The following USP16 variants were observed in gnomAD, a reference collection of about 807,000 sequenced individuals.
USP16 encodes ubiquitin specific peptidase 16, also known as ubiquitin carboxyl-terminal hydrolase 16.
In USP16, 77 loss-of-function variants were observed where a neutral mutation model predicts 95.9. The observed-to-expected ratio is 0.80, with a 90% confidence interval of 0.67 to 0.97. The LOEUF is 0.97. Among genes scored for constraint, USP16 ranks in the 50% least tolerant of loss-of-function variants. USP16 has a pLI of 0.00. For synonymous variants in USP16, 303 were observed against 318.2 expected, an observed-to-expected ratio of 0.95 and a Z score of 0.51; for missense variants, 943 against 959.9, an observed-to-expected ratio of 0.98 and a Z score of 0.23.
chr21:29,028,122 A>ATTT, intron 2 of USP16, 148 bp downstream of exon 2: 1 of 564,758 alleles, frequency 1.8e-6, no homozygotes, highest in South Asian at 2.4e-5. Flanking sequence ...ATAGTCTTCT[A>ATTT]CTTTTTTTTT....
chr21:29,030,981 T>C (rs980963053), intron 3 of USP16, among the ~76,000 whole-genome samples: 7 of 152,104 alleles, frequency 4.6e-5, no homozygotes, highest in Admixed American at 2.6e-4. Flanking sequence ...AGATTAAGCA[T>C]AGGGAGAAGT....
intron 2 of USP16, among the ~76,000 whole-genome samples, chr21:29,029,598 A>T (rs564777911): frequency 6.6e-6 from 1 of 152,304 alleles, no homozygotes; most frequent in Admixed American, 6.5e-5. Flanking sequence ...TTCCTGGAAC[A>T]ACTCAGCACT....
At position 29,047,291 on chromosome 21, in the gene USP16, C is replaced by CA. The variant is rs1245450211; in HGVS notation, c.1982dup (p.Cys662ValfsTer2). On this transcript the variant is annotated frameshift_variant, in exon 14 of 18. Coordinates refer to ENST00000399976, the MANE Select transcript of USP16 (RefSeq NM_006447.3). LOFTEE classifies it high-confidence loss of function. ...GCTTTGTGAAGTATGCACACGGAGA[C>CA]AGTGTAATGGACCAAAGGCAAATAT... The CA allele has an allele frequency of 1.2e-6, 2 of 1,612,976 alleles. No homozygotes were observed. Among genetic ancestry groups the CA allele is most frequent in the African/African-American group, 2.7e-5 (2 of 75,008 alleles).
chr21:29,025,025 G>C (rs147992331), intron 1 of USP16: 6 of 315,116 alleles, frequency 1.9e-5, no homozygotes, highest in South Asian at 8.7e-5. Flanking sequence ...CCGTGGGATC[G>C]GAGCAGTTAG....
At chr21:29,028,452 C>T (rs924824169) in intron 2 of USP16, among the ~76,000 whole-genome samples, 59 of 139,212 alleles carry the variant, frequency 4.2e-4, no homozygotes, top group Non-Finnish European at 8.0e-4. Context: ...GTTTTTTTTC[C>T]TGAGACGGAG....
chr21:29,054,033 A>G, intron 17 of USP16, 33 bp from the exon 18 acceptor site: 1 of 1,613,780 alleles, frequency 6.2e-7, no homozygotes, highest in Non-Finnish European at 8.5e-7. Flanking sequence ...GAATCTTTCC[A>G]TTTATGTTTG....
At chr21:29,024,958 G>A in intron 1 of USP16, 181 bp downstream of exon 1, 3 of 593,282 alleles carry the variant, frequency 5.1e-6, no homozygotes, top group Admixed American at 4.7e-5. Context: ...TCCAGAAGCT[G>A]GCCAATGAGA....
chr21:29,046,990 C>G lies in USP16; in HGVS notation c.1680C>G (p.Ala560=), dbSNP rs1459916991. 1 of 1,614,016 alleles carries G rather than the reference C, an allele frequency of 6.2e-7. No homozygotes were observed. Among genetic ancestry groups the G allele is most frequent in the African/African-American group, 1.3e-5 (1 of 75,002 alleles). Residue 560 remains alanine (A), a synonymous_variant, in exon 14 of 18, where the codon GCC becomes GCG. Coordinates refer to ENST00000399976, the MANE Select transcript of USP16 (RefSeq NM_006447.3). The part of the protein sequence containing the change: ...TSSPTRNLNG[A]YLTEGSNGEV... ...CTCCCACTAGGAATTTAAATGGTGC[C>G]TACCTAACGGAAGGGAGCAATGGAG...
At chr21:29,051,273 G>T (rs2085409376) in intron 16 of USP16, among the ~76,000 whole-genome samples, 1 of 152,214 alleles carries the variant, frequency 6.6e-6, no homozygotes, top group Admixed American at 6.5e-5. Flanking sequence ...ATACCTTTGA[G>T]AAATTAATGT....
chr21:29,031,780 T>C (rs922610435), intron 3 of USP16, among the ~76,000 whole-genome samples: 3 of 152,212 alleles, frequency 2.0e-5, no homozygotes, highest in Non-Finnish European at 2.9e-5. Context: ...GAAAATCTTA[T>C]TGAGGTTATT....
intron 2 of USP16, among the ~76,000 whole-genome samples, chr21:29,028,315 C>T (rs1180435160): frequency 6.7e-6 from 1 of 148,974 alleles, no homozygotes; most frequent in Non-Finnish European, 1.5e-5. Flanking sequence ...TTAATAGTGA[C>T]GGGGTTTCCC....
chr21:29,025,141 G>C (rs1338902288), intron 1 of USP16, among the ~76,000 whole-genome samples: 8 of 152,176 alleles, frequency 5.3e-5, no homozygotes, highest in Non-Finnish European at 1.5e-5. Context: ...GTGTTCATAC[G>C]GCTGGTAGGA....
intron 13 of USP16, among the ~76,000 whole-genome samples, chr21:29,045,625 G>C (rs898824702): frequency 3.3e-5 from 5 of 150,648 alleles, no homozygotes; most frequent in Non-Finnish European, 5.9e-5. Flanking sequence ...ATTTCTTTCT[G>C]TTAGTGTGGA....
Position 29,027,912 on chromosome 21 carries a change from A to G in USP16, c.-2A>G. On this transcript the variant is annotated 5_prime_UTR_variant, in exon 2 of 18. Coordinates refer to ENST00000399976, the MANE Select transcript of USP16 (RefSeq NM_006447.3). ...TCAGTAAGTAATCCATAAAGTGCCA[A>G]CATGGGAAAGAAACGGACAAAGGGA... The G allele has an allele frequency of 5.0e-6, 8 of 1,613,702 alleles. No homozygotes were observed. The highest frequency in any genetic ancestry group is 6.8e-6 in the Non-Finnish European group (8 of 1,179,774).
At position 29,054,076 on chromosome 21, in the gene USP16, G is replaced by C. The variant is rs2085458062; in HGVS notation, c.2361G>C (p.Met787Ile). 1.9e-6 allele frequency: 3 copies of C among 1,614,028 alleles called. No individual in the cohort carries two copies. Among genetic ancestry groups the C allele is most frequent in the African/African-American group, 2.7e-5 (2 of 74,922 alleles). ...LHGDIPQDFE[M>I]ESKGQWFHIS... ...ATTTTCTCATGACAGATTTTGAAAT[G>C]GAATCAAAAGGGCAGTGGTTTCACA... Residue 787 changes from methionine (M) to isoleucine (I), a missense_variant, in exon 18 of 18, where the codon ATG (methionine) becomes ATC (isoleucine). Coordinates refer to ENST00000399976, the MANE Select transcript of USP16 (RefSeq NM_006447.3).
At position 29,040,706 on chromosome 21, in the gene USP16, A is replaced by G. The variant is rs2085231121; in HGVS notation, c.1030+19A>G. On this transcript the variant is annotated intron_variant, in intron 10 of 17. Transcript: ENST00000399976. The stretch of plus-strand genomic sequence containing the variant: ...GTTAAAGGTAATGTCTGACTTTTTG[A>G]ACTAAAACACTATAGTTGAATTCCT... 7.3e-7 allele frequency: 1 copy of G among 1,376,334 alleles called. No individual in the cohort carries two copies. Among genetic ancestry groups the G allele is most frequent in the Non-Finnish European group, 1.0e-6 (1 of 986,332 alleles). 85.3% of individuals were successfully genotyped at this position (1,376,334 alleles called of 1,614,324 possible).
chr21:29,043,797 T>C (rs1376114956), intron 13 of USP16, among the ~76,000 whole-genome samples, 198 bp downstream of exon 13: 2 of 151,658 alleles, frequency 1.3e-5, no homozygotes, highest in Admixed American at 1.3e-4. Flanking sequence ...GTCGTGCTTC[T>C]TTTTTTTTAA....
In USP16 at chr21:29,035,498, C is replaced by T. The variant is rs555858977; in HGVS notation, c.344+558C>T. Among the ~76,000 whole-genome samples, 68 of 151,486 alleles carry T rather than the reference C, an allele frequency of 4.5e-4. 1 individual carries two copies. Among genetic ancestry groups the T allele is most frequent in the South Asian group, 6.3e-4 (3 of 4,782 alleles). ...AAGCAATTCTCCTGCCTCAGCCTCC[C>T]GAGTAGCTGAGATTACAGGGATGCA... On this transcript the variant is annotated intron_variant, in intron 4 of 17. Coordinates refer to ENST00000399976, the MANE Select transcript of USP16 (RefSeq NM_006447.3).
At position 29,046,900 on chromosome 21, in the gene USP16, A is replaced by C. The variant is rs755966427; in HGVS notation, c.1590A>C (p.Lys530Asn). 2.0e-5 allele frequency: 32 copies of C among 1,614,070 alleles called. No homozygotes were observed. Among genetic ancestry groups the C allele is most frequent in the Admixed American group, 1.2e-4 (7 of 60,010 alleles). ...KMIESVTDNQ[K>N]STEEVDMKNI... ...TCGAAAGTGTAACTGACAATCAAAA[A>C]TCCACAGAGGAAGTAGATATGAAAA... is the stretch of plus-strand genomic sequence containing the variant. The change falls in exon 14 of 18, where the codon AAA becomes AAC. Residue 530 changes from lysine (K) to asparagine (N), a missense_variant. By Grantham distance (94) the Lys-to-Asn change is moderately conservative (BLOSUM62 0). Transcript: ENST00000399976.
Sources: allele counts gnomAD v4.1 joint callset (sites outside exome capture counted in the v4.1 genomes callset), GRCh38; gene constraint gnomAD v4.1.1; transcripts MANE v1.5; gene names NCBI Gene and HGNC (gene_info 2026-07-23, HGNC 2026-07-21).